WDFY3: variants seen among roughly 807,000 people sequenced by gnomAD.
WDFY3 encodes the protein WD repeat and FYVE domain-containing protein 3.
A neutral mutation model predicts 409.6 loss-of-function variants in WDFY3; 66 were observed. The ratio of observed to expected loss-of-function variants is 0.16; its 90% CI spans 0.13 to 0.20. WDFY3 has a LOEUF of 0.20. Among genes scored for constraint, WDFY3 ranks in the 10% least tolerant of loss-of-function variants. The probability of loss-of-function intolerance (pLI) is 1.00; values close to 1 mark genes in which losing one functional copy is unlikely to be tolerated. For missense variants in WDFY3, 3,031 were observed against 4,298.1 expected (o/e 0.71, Z 8.24); for synonymous variants, 1,521 against 1,537.1 (o/e 0.99, Z 0.25).
At chr4:84,712,097 G>C (rs1041871907) in intron 51 of WDFY3, among the ~76,000 whole-genome samples, 3 of 151,908 alleles carry the variant, frequency 2.0e-5, no homozygotes, top group Admixed American at 1.3e-4. Flanking sequence ...GCCAAGATGG[G>C]TGGATCACTT....
Position 84,782,590 on chromosome 4 carries a change from G to A in WDFY3, c.4174+373C>T, listed in dbSNP as rs1036521832. Among the ~76,000 whole-genome samples the A allele has an allele frequency of 2.0e-5, 3 of 152,216 alleles. No homozygotes were observed. The South Asian group carries it at 6.2e-4, about 32-fold the overall frequency. On this transcript the variant is annotated intron_variant, in intron 25 of 67. Transcript: ENST00000295888. ...ATGTGATGTTCCCGTCCCTGTGTCC[G>A]TATGTTCTCATTGTTCAGCTCCCCG... is the stretch of plus-strand genomic sequence containing the variant.
In WDFY3 at chr4:84,780,851, G is replaced by T. The variant is rs569534732; in HGVS notation, c.4175-553C>A. ...ATCTACATACTCTTAGAGAAGACTG[G>T]GTGTAGAGGAGTGAGCAGAGAAGAG... On this transcript the variant is annotated intron_variant, in intron 25 of 67. Coordinates refer to ENST00000295888, the MANE Select transcript of WDFY3 (RefSeq NM_014991.6). 2.1e-4 allele frequency among the ~76,000 whole-genome samples: 32 copies of T among 152,196 alleles called. No homozygotes were observed. The East Asian group carries it at 6.2e-3, about 29-fold the overall frequency.
At chr4:84,886,939 T>C (rs148750342) in intron 3 of WDFY3, among the ~76,000 whole-genome samples, 11 of 152,314 alleles carry the variant, frequency 7.2e-5, no homozygotes, top group African/African-American at 2.6e-4. Context: ...CTTATGAATA[T>C]ATGATGAAAA....
chr4:84,761,681 C>G (rs969266912), intron 32 of WDFY3, among the ~76,000 whole-genome samples: 10 of 152,038 alleles, frequency 6.6e-5, no homozygotes, highest in Non-Finnish European at 1.0e-4. Flanking sequence ...AGGCAACCCA[C>G]AAAATGGGAG....
chr4:84,878,134 A>G (rs548374106), intron 3 of WDFY3, among the ~76,000 whole-genome samples: 2 of 152,346 alleles, frequency 1.3e-5, no homozygotes, highest in African/African-American at 4.8e-5. Flanking sequence ...AATAAGAACT[A>G]TTTAAGAGAA....
rs973862475 is a variant in WDFY3 at position 84,709,405 on chromosome 4, T to C, written c.8043-58A>G. 9 of 1,515,674 alleles carry C rather than the reference T, an allele frequency of 5.9e-6. No individual in the cohort carries two copies. In the African/African-American group the frequency reaches 1.1e-4, roughly 19 times the overall value. The allele number at this position is 1,515,674 out of a possible 1,614,324, so 93.9% of individuals were successfully genotyped here. On this transcript the variant is annotated intron_variant, in intron 51 of 67. Transcript: ENST00000295888. ...GCAATAAAATTTTAAATCTGAAAAA[T>C]TATAAAGTTGAAAAATTTAAGTCAC...
intron 66 of WDFY3, among the ~76,000 whole-genome samples, 199 bp downstream of exon 66, chr4:84,677,969 A>C (rs1408727973): frequency 6.6e-6 from 1 of 150,626 alleles, no homozygotes; most frequent in Non-Finnish European, 1.5e-5. Flanking sequence ...CTCAAAAAAA[A>C]AAAAAAAAAA....
At chr4:84,862,352 A>T (rs1303566181) in intron 3 of WDFY3, among the ~76,000 whole-genome samples, 1 of 152,254 alleles carries the variant, frequency 6.6e-6, no homozygotes, top group Non-Finnish European at 1.5e-5. Context: ...CAGTGCTAAC[A>T]CATAGGCAAA....
In WDFY3 at chr4:84,772,845, C is replaced by T. The variant is rs1031834535; in HGVS notation, c.4839G>A (p.Lys1613=). The T allele has an allele frequency of 3.1e-6, 5 of 1,610,340 alleles. No individual in the cohort carries two copies. In the Admixed American group the frequency reaches 5.0e-5, roughly 16 times the overall value. ...FVVMEINNEE[K]LDTGTEEEFG... Reference sequence around the variant, plus strand: ...CCAGAATCAACTTACCAGTGTCAAGCTTCTCTTCATTATTTATTTCCATTA... The same window carrying T: ...CCAGAATCAACTTACCAGTGTCAAGTTTCTCTTCATTATTTATTTCCATTA... Residue 1613 remains lysine, a synonymous_variant, in exon 30 of 68, where the codon AAG becomes AAA. Coordinates refer to ENST00000295888, the MANE Select transcript of WDFY3 (RefSeq NM_014991.6).
intron 19 of WDFY3, among the ~76,000 whole-genome samples, chr4:84,795,579 T>C (rs894842792): frequency 2.0e-5 from 3 of 152,154 alleles, no homozygotes; most frequent in African/African-American, 7.2e-5. Flanking sequence ...CTGGCCACTA[T>C]GGCGAAACCC....
At chr4:84,937,075 T>C (rs1202984660) in intron 1 of WDFY3, among the ~76,000 whole-genome samples, 1 of 152,196 alleles carries the variant, frequency 6.6e-6, no homozygotes, top group Non-Finnish European at 1.5e-5. Context: ...TGATTCCTTT[T>C]TTAGCAAAAC....
At chr4:84,934,066 A>T (rs568645153) in intron 1 of WDFY3, among the ~76,000 whole-genome samples, 24 of 152,044 alleles carry the variant, frequency 1.6e-4, no homozygotes, top group African/African-American at 5.1e-4. Context: ...ATCACATGGC[A>T]GTTCTATTTT....
chr4:84,770,383 G>A (rs1744464636), intron 30 of WDFY3, among the ~76,000 whole-genome samples: 1 of 152,142 alleles, frequency 6.6e-6, no homozygotes, highest in Non-Finnish European at 1.5e-5. Context: ...GTAGACTACA[G>A]TATAGTGTAA....
chr4:84,774,430 A>T (rs1745206445), intron 29 of WDFY3, among the ~76,000 whole-genome samples: 1 of 152,240 alleles, frequency 6.6e-6, no homozygotes, highest in African/African-American at 2.4e-5. Context: ...GACAGAGAAT[A>T]AAAAATAGCG....
Position 84,704,341 on chromosome 4 carries a change from T to C in WDFY3, c.8439A>G (p.Leu2813=). 4 of 1,594,436 alleles carry C rather than the reference T, an allele frequency of 2.5e-6. No individual in the cohort carries two copies. Among genetic ancestry groups the C allele is most frequent in the Non-Finnish European group, 3.4e-6 (4 of 1,172,526 alleles). ...MEPFTQIFLR[L]QGGHFDLADR... is the part of the protein sequence containing the mutation. Reference sequence around the variant, plus strand: ...AACCCCAAATTTAAAGTTTTACCTGTAGCCTTAAGAATATCTGTGTGAAAG... The same window carrying C: ...AACCCCAAATTTAAAGTTTTACCTGCAGCCTTAAGAATATCTGTGTGAAAG... The change falls in exon 55 of 68, where the codon CTA becomes CTG. Residue 2813 remains leucine (L), a synonymous_variant. Coordinates refer to ENST00000295888, the MANE Select transcript of WDFY3 (RefSeq NM_014991.6).
At chr4:84,926,107 G>A (rs1204713860) in intron 2 of WDFY3, among the ~76,000 whole-genome samples, 7 of 143,446 alleles carry the variant, frequency 4.9e-5, no homozygotes, top group Admixed American at 6.9e-5. Context: ...TCTGCCTCCC[G>A]GGTTCAAGCA....
chr4:84,963,419 C>T (rs2151225681), intron 1 of WDFY3, among the ~76,000 whole-genome samples: 1 of 144,526 alleles, frequency 6.9e-6, no homozygotes, highest in South Asian at 2.2e-4. Flanking sequence ...AGCAAGACTC[C>T]ATCTCAAAAG....
chr4:84,809,813 C>A (rs1347872205), intron 14 of WDFY3, 74 bp downstream of exon 14: 1 of 1,336,916 alleles, frequency 7.5e-7, no homozygotes, highest in Non-Finnish European at 1.0e-6. Flanking sequence ...TGGATTAACT[C>A]ATAATTCAAG....
At chr4:84,802,863 T>G (rs1486128899) in intron 16 of WDFY3, among the ~76,000 whole-genome samples, 1 of 152,208 alleles carries the variant, frequency 6.6e-6, no homozygotes, top group East Asian at 1.9e-4. Context: ...ACTTTAGGCC[T>G]TAGAGGCTAT....
Sources: allele counts gnomAD v4.1 joint callset (sites outside exome capture counted in the v4.1 genomes callset), GRCh38; gene constraint gnomAD v4.1.1; transcripts MANE v1.5; gene names NCBI Gene and HGNC (gene_info 2026-07-23, HGNC 2026-07-21).